Variants in ZNF385D observed in about 807,000 individuals in gnomAD.
ZNF385D encodes the protein zinc finger protein 385D, also known as zinc finger protein 659.
ZNF385D carries 15 observed loss-of-function variants against 35.8 expected under a neutral mutation model. That is an observed-to-expected ratio of 0.42 (90% CI 0.28 to 0.64). ZNF385D has a LOEUF of 0.64. Among genes scored for constraint, ZNF385D ranks in the 30% least tolerant of loss-of-function variants. The probability of loss-of-function intolerance (pLI) is 0.23; values close to 1 mark genes in which losing one functional copy is unlikely to be tolerated. For synonymous variants in ZNF385D, 212 were observed against 186.8 expected, an observed-to-expected ratio of 1.13 and a Z score of -1.10; for missense variants, 474 against 494.6, an observed-to-expected ratio of 0.96 and a Z score of 0.39.
intron 3 of ZNF385D, among the ~76,000 whole-genome samples, chr3:22,156,667 A>G (rs1705605990): frequency 6.6e-6 from 1 of 152,202 alleles, no homozygotes; most frequent in East Asian, 1.9e-4. Flanking sequence ...TTGCCGACTG[A>G]GGTATGTAAA....
At chr3:21,806,089 G>C (rs1454236755) in intron 3 of ZNF385D, among the ~76,000 whole-genome samples, 1 of 152,008 alleles carries the variant, frequency 6.6e-6, no homozygotes, top group Non-Finnish European at 1.5e-5. Flanking sequence ...CAGCAAAGCA[G>C]GCTTATTTGT....
At position 22,090,813 on chromosome 3, in the gene ZNF385D, G is replaced by T. The variant is rs548401369; in HGVS notation, c.325+78004C>A. On this transcript the variant is annotated intron_variant, in intron 3 of 5. Transcript: ENST00000494108. ...GCCTCTGTACCAGTAGAAGTAGCTT[G>T]CTCTCCCATGCCTGAGGAGACTAGC... 2.7e-4 allele frequency among the ~76,000 whole-genome samples: 41 copies of T among 152,248 alleles called. 2 individuals carry two copies. The South Asian group carries it at 8.3e-3, about 31-fold the overall frequency.
At chr3:21,658,664 T>C (rs966608896) in intron 2 of ZNF385D, among the ~76,000 whole-genome samples, 2 of 152,016 alleles carry the variant, frequency 1.3e-5, no homozygotes, top group South Asian at 2.1e-4. Flanking sequence ...TCATGTTCTA[T>C]ACTATGGTTA....
intron 3 of ZNF385D, among the ~76,000 whole-genome samples, chr3:21,807,803 A>G (rs1423893608): frequency 2.0e-5 from 3 of 152,184 alleles, no homozygotes. Flanking sequence ...GCAGGATTTG[A>G]AAAGGCCCCA....
intron 3 of ZNF385D, among the ~76,000 whole-genome samples, chr3:22,045,653 G>T (rs1216691380): frequency 6.6e-6 from 1 of 152,042 alleles, no homozygotes; most frequent in African/African-American, 2.4e-5. Context: ...GAGTAAAGGT[G>T]GTATTTTAAA....
chr3:21,569,807 G>T (rs976879891), intron 2 of ZNF385D, among the ~76,000 whole-genome samples: 3 of 147,094 alleles, frequency 2.0e-5, no homozygotes, highest in African/African-American at 7.6e-5. Context: ...CTATCGCAAG[G>T]ACAAAAAACC....
chr3:21,801,685 A>G (rs974926573), intron 3 of ZNF385D, among the ~76,000 whole-genome samples: 8 of 152,194 alleles, frequency 5.3e-5, no homozygotes, highest in African/African-American at 1.9e-4. Context: ...CGCAGCTGAT[A>G]TGGCTTAGGG....
At chr3:22,203,237 G>T (rs1292694742) in intron 2 of ZNF385D, among the ~76,000 whole-genome samples, 1 of 152,058 alleles carries the variant, frequency 6.6e-6, no homozygotes, top group African/African-American at 2.4e-5. Flanking sequence ...GAGATGCGAG[G>T]CCCTCATTCT....
At chr3:21,790,972 G>A (rs908691229) in intron 3 of ZNF385D, among the ~76,000 whole-genome samples, 5 of 152,118 alleles carry the variant, frequency 3.3e-5, no homozygotes, top group African/African-American at 1.2e-4. Context: ...CAAAAAAACA[G>A]CATAAACCAA....
chr3:22,122,635 G>A (rs900840217), intron 3 of ZNF385D, among the ~76,000 whole-genome samples: 1 of 152,084 alleles, frequency 6.6e-6, no homozygotes, highest in Non-Finnish European at 1.5e-5. Context: ...GTCATATAGG[G>A]TTTCTTGAAT....
intron 3 of ZNF385D, among the ~76,000 whole-genome samples, chr3:22,091,312 G>C (rs1365019176): frequency 4.6e-5 from 7 of 152,178 alleles, no homozygotes; most frequent in Non-Finnish European, 7.3e-5. Context: ...CATTAGTGAA[G>C]AAACTTGAGC....
At chr3:21,688,499 A>G (rs2067181062) in intron 1 of ZNF385D, among the ~76,000 whole-genome samples, 1 of 152,212 alleles carries the variant, frequency 6.6e-6, no homozygotes, top group Non-Finnish European at 1.5e-5. Flanking sequence ...GACATTATTC[A>G]TTAATTATCT....
chr3:21,668,527 C>T (rs1416351178), intron 1 of ZNF385D, among the ~76,000 whole-genome samples: 3 of 152,190 alleles, frequency 2.0e-5, no homozygotes, highest in Non-Finnish European at 4.4e-5. Flanking sequence ...CACCAGGATA[C>T]AGCAATTCAG....
chr3:21,889,378 G>A (rs1698721892), intron 3 of ZNF385D, among the ~76,000 whole-genome samples: 1 of 152,130 alleles, frequency 6.6e-6, no homozygotes, highest in Non-Finnish European at 1.5e-5. Context: ...AATTAGCACT[G>A]TAACCAACCA....
chr3:21,741,521 G>A (rs1211486683), intron 1 of ZNF385D, among the ~76,000 whole-genome samples: 3 of 152,056 alleles, frequency 2.0e-5, no homozygotes, highest in Non-Finnish European at 2.9e-5. Flanking sequence ...TTACCATGGT[G>A]GTACCTCAAA....
At chr3:21,953,791 C>A (rs1054497604) in intron 3 of ZNF385D, among the ~76,000 whole-genome samples, 2 of 151,884 alleles carry the variant, frequency 1.3e-5, no homozygotes, top group African/African-American at 4.8e-5. Flanking sequence ...ACAAAGATAC[C>A]ACTGTAGTGT....
intron 3 of ZNF385D, among the ~76,000 whole-genome samples, chr3:21,891,078 T>G (rs1698833542): frequency 6.6e-6 from 1 of 152,206 alleles, no homozygotes; most frequent in South Asian, 2.1e-4. Flanking sequence ...TTCTAGGAAG[T>G]TATAATTTCA....
At chr3:21,938,099 A>G (rs978483119) in intron 3 of ZNF385D, among the ~76,000 whole-genome samples, 2 of 152,226 alleles carry the variant, frequency 1.3e-5, no homozygotes, top group Non-Finnish European at 2.9e-5. Flanking sequence ...AATGCATAGA[A>G]TATTGTAGAC....
intron 4 of ZNF385D, among the ~76,000 whole-genome samples, chr3:21,477,674 T>A (rs1300047685): frequency 6.6e-6 from 1 of 152,088 alleles, no homozygotes; most frequent in Non-Finnish European, 1.5e-5. Flanking sequence ...ACATTCTAAT[T>A]CCCCTATCAA....
Sources: gnomAD v4.1 joint callset for allele counts (sites outside exome capture counted in the v4.1 genomes callset) on GRCh38, gnomAD v4.1.1 for gene constraint, MANE v1.5 for transcripts, NCBI Gene and HGNC (gene_info 2026-07-23, HGNC 2026-07-21) for gene names.